MANSC1: variants seen among roughly 807,000 people sequenced by gnomAD.
MANSC1 encodes the protein MANSC domain containing 1.
A neutral mutation model predicts 14.1 loss-of-function variants in MANSC1; 13 were observed. The ratio of observed to expected loss-of-function variants is 0.92; its 90% confidence interval spans 0.60 to 1.46. The LOEUF is 1.46. MANSC1 is among the 40% of genes most tolerant of loss of function. The probability of loss-of-function intolerance (pLI) is 0.00; values close to 1 mark genes in which losing one functional copy is unlikely to be tolerated. For synonymous variants in MANSC1, 227 were observed against 200.7 expected (o/e 1.13, Z -1.11); for missense variants, 486 against 511.4 (o/e 0.95, Z 0.48).
rs540167622 is a variant in MANSC1, at chr12:12,346,298, A to G, written c.-100-2884T>C. 7.0e-4 allele frequency among the ~76,000 whole-genome samples: 107 copies of G among 152,250 alleles called. 2 individuals are homozygous for G. In the South Asian group the frequency reaches 0.021, roughly 29 times the overall value. On this transcript the variant is annotated intron_variant, in intron 1 of 3. Transcript: ENST00000535902. Reference sequence around the variant, plus strand: ...AAAAAAAAAGGTATCAGTGCTTCCCAACTTGAGCTACAGATTAAATACAGT... The same window carrying G: ...AAAAAAAAAGGTATCAGTGCTTCCCGACTTGAGCTACAGATTAAATACAGT...
rs1194568864 is a variant in MANSC1, at chr12:12,329,175, G to A, written c.*852C>T. 1.3e-5 allele frequency: 2 copies of A among 152,114 alleles called. No homozygotes were observed. Among genetic ancestry groups the A allele is most frequent in the African/African-American group, 4.8e-5 (2 of 41,428 alleles). 9.4% of individuals were successfully genotyped at this position (152,114 alleles called of 1,614,324 possible). ...AAAGGGGGGGTTGTCATTTTAACGTGGAACGCATATTTTCACCACATAATC... is the reference window on the plus strand; with the variant it reads ...AAAGGGGGGGTTGTCATTTTAACGTAGAACGCATATTTTCACCACATAATC... On this transcript the variant is annotated 3_prime_UTR_variant, in exon 4 of 4. Coordinates refer to ENST00000535902, the MANE Select transcript of MANSC1 (RefSeq NM_018050.4).
intron 1 of MANSC1, among the ~76,000 whole-genome samples, chr12:12,346,424 GAACA>G (rs1162026890): frequency 1.3e-5 from 2 of 152,158 alleles, no homozygotes; most frequent in Non-Finnish European, 2.9e-5. Context: ...GAATACTAAA[GAACA>G]AAGTTGGAAG....
chr12:12,336,673 C>A (rs1200381762), intron 3 of MANSC1, among the ~76,000 whole-genome samples: 1 of 152,040 alleles, frequency 6.6e-6, no homozygotes, highest in Non-Finnish European at 1.5e-5. Context: ...ACTACAAGCT[C>A]ATGCCACCAT....
At chr12:12,341,988 A>C (rs1163351694) in intron 2 of MANSC1, among the ~76,000 whole-genome samples, 1 of 152,214 alleles carries the variant, frequency 6.6e-6, no homozygotes, top group Admixed American at 6.5e-5. Context: ...AGAGTGAGAC[A>C]TCATCACAGA....
At chr12:12,340,693 T>C (rs1478192820) in intron 2 of MANSC1, among the ~76,000 whole-genome samples, 4 of 152,322 alleles carry the variant, frequency 2.6e-5, no homozygotes, top group East Asian at 3.9e-4. Context: ...AAAGCAGTAA[T>C]AGGACTTTGG....
intron 3 of MANSC1, 24 bp from the exon 4 acceptor site, chr12:12,330,982 G>A: frequency 6.9e-7 from 1 of 1,443,672 alleles, no homozygotes; most frequent in East Asian, 2.3e-5. Flanking sequence ...GAAAATAAAA[G>A]GAAGGCTTAT....
rs1350115100 is a variant in MANSC1, at chr12:12,330,367, G to T, written c.956C>A (p.Thr319Asn). 6.2e-7 allele frequency: 1 copy of T among 1,614,092 alleles called. No individual in the cohort carries two copies. Among genetic ancestry groups the T allele is most frequent in the African/African-American group, 1.3e-5 (1 of 74,936 alleles). ...APTDSKGSLE[T>N]IPFTEISNLT... ...GTTGGAGATTTCTGTAAACGGTATG[G>T]TTTCTAAGCTGCCTTTCGAGTCCGT... Residue 319 changes from threonine to asparagine, a missense_variant, in exon 4 of 4, where the codon ACC becomes AAC. Physicochemically the swap from Thr to Asn is moderately conservative, Grantham distance 65. Coordinates refer to ENST00000535902, the MANE Select transcript of MANSC1 (RefSeq NM_018050.4).
chr12:12,339,442 A>AT (rs762227557), intron 2 of MANSC1, among the ~76,000 whole-genome samples: 33 of 151,694 alleles, frequency 2.2e-4, no homozygotes, highest in Non-Finnish European at 4.6e-4. Flanking sequence ...TTTTTTTGGT[A>AT]TTTTTTGTAG....
chr12:12,341,207 T>C (rs1862928294), intron 2 of MANSC1, among the ~76,000 whole-genome samples: 1 of 152,190 alleles, frequency 6.6e-6, no homozygotes, highest in Non-Finnish European at 1.5e-5. Flanking sequence ...TCAGATTTGA[T>C]AATTTGCAAG....
chr12:12,330,778 A>G lies in MANSC1; in HGVS notation c.545T>C (p.Leu182Ser). Reference protein sequence around the residue: ...LSQKFGSSDHLEKLFKMDEAS... With the variant: ...LSQKFGSSDHSEKLFKMDEAS... ...TTCATCCATCTTAAATAGTTTCTCC[A>G]AGTGATCTGAGGATCCAAACTTCTG... Residue 182 changes from leucine (L) to serine (S), a missense_variant, in exon 4 of 4, where the codon TTG (leucine) becomes TCG (serine). Coordinates refer to ENST00000535902, the MANE Select transcript of MANSC1 (RefSeq NM_018050.4). 6.2e-7 allele frequency: 1 copy of G among 1,614,152 alleles called. No individual in the cohort carries two copies. Among genetic ancestry groups the G allele is most frequent in the South Asian group, 1.1e-5 (1 of 91,072 alleles).
chr12:12,347,372 G>A (rs1383243985), intron 1 of MANSC1, among the ~76,000 whole-genome samples: 2 of 152,266 alleles, frequency 1.3e-5, no homozygotes, highest in East Asian at 3.9e-4. Context: ...GGCCACCACT[G>A]ATCTGACAGG....
intron 2 of MANSC1, 106 bp from the exon 3 acceptor site, chr12:12,338,666 G>T: frequency 2.0e-6 from 2 of 978,746 alleles, no homozygotes; most frequent in South Asian, 1.5e-5. Flanking sequence ...AAACACCTTT[G>T]TTCATTTTGT....
intron 3 of MANSC1, among the ~76,000 whole-genome samples, chr12:12,333,779 A>C (rs1483198720): frequency 1.3e-5 from 2 of 152,228 alleles, no homozygotes; most frequent in Admixed American, 1.3e-4. Context: ...CAGACTCCCA[A>C]TTTATTCTAT....
At position 12,343,275 on chromosome 12, in the gene MANSC1, C is replaced by T. The variant is rs1451670037; in HGVS notation, c.40G>A (p.Val14Ile). The T allele has an allele frequency of 6.2e-7, 1 of 1,614,002 alleles. No homozygotes were observed. Among genetic ancestry groups the T allele is most frequent in the African/African-American group, 1.3e-5 (1 of 74,998 alleles). Residue 14 changes from valine to isoleucine, a missense_variant, in exon 2 of 4, where the codon GTA becomes ATA. Transcript: ENST00000535902. ...GGEGSLTYTLVIICFLTLRLS... is the reference protein window; with the variant it reads ...GGEGSLTYTLIIICFLTLRLS... ...CTTAGTGTCAGGAAGCAAATTATTACCAAAGTGTAAGTCAAGCTCCCTTCT... is the reference window on the plus strand; with the variant it reads ...CTTAGTGTCAGGAAGCAAATTATTATCAAAGTGTAAGTCAAGCTCCCTTCT...
rs1388045042 is a variant in MANSC1, at chr12:12,338,552, C to T, written c.232G>A (p.Ala78Thr). The T allele has an allele frequency of 3.1e-6, 5 of 1,611,380 alleles. No homozygotes were observed. The highest frequency in any genetic ancestry group is 2.7e-5 in the African/African-American group (2 of 74,748). ...CSTKNISGDK[A>T]CNLMIFDTRK... The stretch of plus-strand genomic sequence containing the variant: ...GTGTCGAAGATCATCAAGTTACATG[C>T]TTTGTCCCCTGCAATGAAAGGTTTC... The change falls in exon 3 of 4, where the codon GCA (alanine) becomes ACA (threonine). Residue 78 changes from alanine to threonine, a missense_variant. Transcript: ENST00000535902.
At chr12:12,333,072 G>T (rs951003860) in intron 3 of MANSC1, among the ~76,000 whole-genome samples, 1 of 136,768 alleles carries the variant, frequency 7.3e-6, no homozygotes, top group African/African-American at 2.7e-5. Context: ...TTTGAGACAG[G>T]GTCTTGCTCT....
chr12:12,331,550 C>T (rs142201612), intron 3 of MANSC1, among the ~76,000 whole-genome samples: 7 of 152,298 alleles, frequency 4.6e-5, no homozygotes, highest in Non-Finnish European at 7.3e-5. Context: ...TTCTGCAAGA[C>T]ATGCCACCTA....
At chr12:12,336,869 A>G (rs184957076) in intron 3 of MANSC1, among the ~76,000 whole-genome samples, 1 of 152,314 alleles carries the variant, frequency 6.6e-6, no homozygotes, top group Non-Finnish European at 1.5e-5. Context: ...CATAGAAAGT[A>G]CTTGGCACAT....
chr12:12,331,089 C>T, intron 3 of MANSC1, 131 bp from the exon 4 acceptor site: 1 of 630,170 alleles, frequency 1.6e-6, no homozygotes. Flanking sequence ...CGCCTATAAT[C>T]CCAGCACTTT....
Sources: gnomAD v4.1 joint callset for allele counts (sites outside exome capture counted in the v4.1 genomes callset) on GRCh38, gnomAD v4.1.1 for gene constraint, MANE v1.5 for transcripts, NCBI Gene and HGNC (gene_info 2026-07-23, HGNC 2026-07-21) for gene names.